SEMA3G: variants seen among roughly 807,000 people sequenced by gnomAD.
SEMA3G encodes the protein semaphorin-3G.
A neutral mutation model predicts 86.2 loss-of-function variants in SEMA3G; 70 were observed. The ratio of observed to expected loss-of-function variants is 0.81; its 90% confidence interval spans 0.67 to 0.99. The LOEUF (loss-of-function observed/expected upper bound fraction) is 0.99. Ranked by LOEUF, SEMA3G falls within the 50% of genes least tolerant of loss-of-function variation. SEMA3G has a pLI of 0.00. For synonymous variants in SEMA3G, 416 were observed against 441.4 expected (o/e 0.94, Z 0.72); for missense variants, 1,002 against 1,072.4 (o/e 0.93, Z 0.92).
intron 12 of SEMA3G, 132 bp downstream of exon 12, chr3:52,439,548 C>T (rs939234512): frequency 1.4e-6 from 1 of 722,980 alleles, no homozygotes; most frequent in Admixed American, 2.2e-5. Flanking sequence ...CATCCCCTCC[C>T]CAGCATCCTG....
rs749784428 is a variant in SEMA3G, at chr3:52,440,532, A to T, written c.999-11T>A. ...CCCTGGAACACGGCACTGCCGGGGC[A>T]CATGGGACAGTCAGGCCAGAGTGGC... On this transcript the variant is annotated splice_polypyrimidine_tract_variant and intron_variant, in intron 9 of 15. Coordinates refer to ENST00000231721, the MANE Select transcript of SEMA3G (RefSeq NM_020163.3). 5.0e-6 allele frequency: 8 copies of T among 1,605,352 alleles called. No homozygotes were observed. The highest frequency in any genetic ancestry group is 1.7e-4 in the Middle Eastern group (1 of 6,010).
Position 52,435,221 on chromosome 3 carries a change from A to AC in SEMA3G, c.*381dup, listed in dbSNP as rs994435751. ...GGATACCCCCTAGACGCACCCACAC[A>AC]CCCACTCTGAGGGTCACTCAGAATG... is the stretch of plus-strand genomic sequence containing the variant. On this transcript the variant is annotated 3_prime_UTR_variant, in exon 16 of 16. Transcript: ENST00000231721. The AC allele has an allele frequency of 7.9e-6, 2 of 252,036 alleles. No homozygotes were observed. Among genetic ancestry groups the AC allele is most frequent in the Admixed American group, 1.0e-4 (2 of 19,604 alleles). 15.6% of individuals were successfully genotyped at this position (252,036 alleles called of 1,614,324 possible).
rs780574043 is a variant in SEMA3G at position 52,439,677 on chromosome 3, T to G, written c.1467+3A>C. On this transcript the variant is annotated splice_donor_region_variant and intron_variant, in intron 12 of 15. Coordinates refer to ENST00000231721, the MANE Select transcript of SEMA3G (RefSeq NM_020163.3). ...GGGACCCTTCCATCAGCCCCTTGCT[T>G]ACCTTAAACACCTGGAGCTCCTCCA... The G allele has an allele frequency of 1.2e-5, 19 of 1,612,958 alleles. No individual in the cohort carries two copies. The African/African-American group carries it at 2.1e-4, about 18-fold the overall frequency.
rs780096547 is a variant in SEMA3G at position 52,435,849 on chromosome 3, G to A, written c.2103C>T (p.Thr701=). ...TGTCCTTGTACCAGGCCTTGGGTGG[G>A]GTGGAAGCCAGGCCTCCCCGGGCTG... The part of the protein sequence containing the change: ...EPPARGGLAS[T]PPKAWYKDIL... Residue 701 remains threonine, a synonymous_variant, in exon 16 of 16, where the codon ACC becomes ACT. Coordinates refer to ENST00000231721, the MANE Select transcript of SEMA3G (RefSeq NM_020163.3). 1.2e-6 allele frequency: 2 copies of A among 1,613,868 alleles called. No homozygotes were observed. Among genetic ancestry groups the A allele is most frequent in the East Asian group, 2.2e-5 (1 of 44,862 alleles).
rs961799483 is a variant in SEMA3G, at chr3:52,444,934, G to A, written c.94C>T (p.Arg32Cys). The A allele has an allele frequency of 2.7e-5, 35 of 1,303,686 alleles. No individual in the cohort carries two copies. The highest frequency in any genetic ancestry group is 6.2e-5 in the African/African-American group (4 of 64,764). 80.8% of individuals were successfully genotyped at this position (1,303,686 alleles called of 1,614,324 possible). Residue 32 changes from arginine (R) to cysteine (C), a missense_variant, in exon 1 of 16, where the codon CGC becomes TGC. By Grantham distance (180) the Arg-to-Cys change is radical. Transcript: ENST00000231721. ...SGPSPGPSVPRLRLSYRDLLS... is the reference protein window; with the variant it reads ...SGPSPGPSVPCLRLSYRDLLS... ...GTACCTCGGTAGGAGAGCCGCAGGCGGGGCACACTGGGGCCGGGGCTGGGG... is the reference window on the plus strand; with the variant it reads ...GTACCTCGGTAGGAGAGCCGCAGGCAGGGCACACTGGGGCCGGGGCTGGGG...
At chr3:52,436,905 A>G (rs1006422153) in intron 15 of SEMA3G, among the ~76,000 whole-genome samples, 15 of 152,004 alleles carry the variant, frequency 9.9e-5, no homozygotes, top group African/African-American at 1.7e-4. Context: ...CCTGTAATCA[A>G]TCCACTCCTG....
rs760629721 is a variant in SEMA3G at position 52,436,011 on chromosome 3, A to G, written c.1941T>C (p.Arg647=). The change falls in exon 16 of 16, where the codon CGT becomes CGC. Residue 647 remains arginine, a synonymous_variant. Transcript: ENST00000231721. Reference sequence around the variant, plus strand: ...TGCAGGTGTAGGTGCCCGCATCGAAACGGCTAAGCCTGCGGAACAGCAGCC... The same window carrying G: ...TGCAGGTGTAGGTGCCCGCATCGAAGCGGCTAAGCCTGCGGAACAGCAGCC... ...ERGLLFRRLS[R]FDAGTYTCTT... The G allele has an allele frequency of 2.3e-5, 37 of 1,613,644 alleles. No homozygotes were observed. Among genetic ancestry groups the G allele is most frequent in the South Asian group, 1.6e-4 (15 of 91,082 alleles).
chr3:52,441,321 G>A lies in SEMA3G; in HGVS notation c.756C>T (p.Pro252=). 6.2e-7 allele frequency: 1 copy of A among 1,613,804 alleles called. No individual in the cohort carries two copies. The highest frequency in any genetic ancestry group is 1.7e-5 in the Admixed American group (1 of 60,024). ...KVYFFFSETV[P]SPDGGSNHVT... ...CATGGTTCGAGCCACCATCGGGCGA[G>A]GGGACCGTCTCCGAGAAGAAGAAGT... Residue 252 remains proline (P), a synonymous_variant, in exon 7 of 16, where the codon CCC becomes CCT. Coordinates refer to ENST00000231721, the MANE Select transcript of SEMA3G (RefSeq NM_020163.3).
At position 52,442,069 on chromosome 3, in the gene SEMA3G, G is replaced by C. The variant is rs564434452; in HGVS notation, c.459+116C>G. The C allele has an allele frequency of 3.1e-4, 444 of 1,434,332 alleles. No individual in the cohort carries two copies. The highest frequency in any genetic ancestry group is 3.7e-4 in the Non-Finnish European group (391 of 1,067,822). The allele number at this position is 1,434,332 out of a possible 1,614,324, so 88.9% of individuals were successfully genotyped here. Reference sequence around the variant, plus strand: ...AATGGGGTCAGCTCCCCAACACAAAGGCGCCTTTCAGGCCCCTGCCCCTCT... The same window carrying C: ...AATGGGGTCAGCTCCCCAACACAAACGCGCCTTTCAGGCCCCTGCCCCTCT... On this transcript the variant is annotated intron_variant, in intron 4 of 15. Coordinates refer to ENST00000231721, the MANE Select transcript of SEMA3G (RefSeq NM_020163.3). This position sits in a 1 kb window ranked among gnomAD's most constrained non-coding sequence, Gnocchi z 6.1.
chr3:52,436,115 G>A, intron 15 of SEMA3G, 42 bp from the exon 16 acceptor site: 13 of 1,554,216 alleles, frequency 8.4e-6, no homozygotes, highest in Non-Finnish European at 1.1e-5. Flanking sequence ...TGCAAGGTGG[G>A]AGTTTACCAT....
At chr3:52,443,247 CA>C (rs1259781274) in intron 1 of SEMA3G, among the ~76,000 whole-genome samples, 2 of 152,192 alleles carry the variant, frequency 1.3e-5, no homozygotes, top group Non-Finnish European at 2.9e-5. Flanking sequence ...GAAACTAGAG[CA>C]AAGTGCTGGA....
chr3:52,436,691 C>T lies in SEMA3G; in HGVS notation c.1879-618G>A, dbSNP rs1706054850. Among the ~76,000 whole-genome samples the T allele has an allele frequency of 2.0e-5, 3 of 152,236 alleles. No homozygotes were observed. The South Asian group carries it at 6.2e-4, about 31-fold the overall frequency. ...TGGGAAGTGGGAGTGCCGCCCTGAT[C>T]CCAGCCCGCCTCTGGCCTGGACCCT... On this transcript the variant is annotated intron_variant, in intron 15 of 15. Coordinates refer to ENST00000231721, the MANE Select transcript of SEMA3G (RefSeq NM_020163.3).
chr3:52,444,265 T>C (rs139784754), intron 1 of SEMA3G, among the ~76,000 whole-genome samples: 22 of 152,214 alleles, frequency 1.4e-4, no homozygotes, highest in African/African-American at 5.3e-4. Flanking sequence ...CCCATCTTTA[T>C]TGAGCTCTCT....
At position 52,442,072 on chromosome 3, in the gene SEMA3G, G is replaced by A. The variant is rs1252567683; in HGVS notation, c.459+113C>T. ...GGGGTCAGCTCCCCAACACAAAGGC[G>A]CCTTTCAGGCCCCTGCCCCTCTGTC... is the stretch of plus-strand genomic sequence containing the variant. On this transcript the variant is annotated intron_variant, in intron 4 of 15. Transcript: ENST00000231721. The surrounding 1 kb of genome is among the most constrained non-coding windows in gnomAD (Gnocchi z 6.1). 6 of 1,437,028 alleles carry A rather than the reference G, an allele frequency of 4.2e-6. No homozygotes were observed. Among genetic ancestry groups the A allele is most frequent in the African/African-American group, 2.8e-5 (2 of 70,430 alleles). 89.0% of individuals were successfully genotyped at this position (1,437,028 alleles called of 1,614,324 possible). A position where few individuals can be genotyped will look rare whatever the true frequency, so the allele number is the denominator to read the frequency against.
At chr3:52,437,024 C>T (rs1706059491) in intron 15 of SEMA3G, among the ~76,000 whole-genome samples, 1 of 152,192 alleles carries the variant, frequency 6.6e-6, no homozygotes, top group Admixed American at 6.5e-5. Context: ...CCTGAGCAGA[C>T]AGCTGGACTC....
At chr3:52,440,160 C>T in intron 10 of SEMA3G, 62 bp from the exon 11 acceptor site, 1 of 1,385,564 alleles carries the variant, frequency 7.2e-7, no homozygotes, top group Non-Finnish European at 9.8e-7. Context: ...CCTCCACCGC[C>T]AGTCTGTTTC....
Position 52,442,512 on chromosome 3 carries a change from A to G in SEMA3G, c.339+47T>C, listed in dbSNP as rs2153229716. The G allele has an allele frequency of 6.2e-7, 1 of 1,603,674 alleles. No homozygotes were observed. The highest frequency in any genetic ancestry group is 8.5e-7 in the Non-Finnish European group (1 of 1,170,708). ...GTGGTCACGGATTGTCCTGGGGGTC[A>G]GGGCAGGGTGTCAGGTCGGGGGACC... On this transcript the variant is annotated intron_variant, in intron 3 of 15. Transcript: ENST00000231721. The surrounding 1 kb of genome is among the most constrained non-coding windows in gnomAD (Gnocchi z 6.1).
chr3:52,437,004 G>C (rs1163095680), intron 15 of SEMA3G, among the ~76,000 whole-genome samples: 1 of 152,212 alleles, frequency 6.6e-6, no homozygotes, highest in Non-Finnish European at 1.5e-5. Context: ...CCGGATGGGG[G>C]AGGAGAGGCC....
At position 52,435,799 on chromosome 3, in the gene SEMA3G, T is replaced by C. The variant is rs1455109215; in HGVS notation, c.2153A>G (p.Asn718Ser). 6.2e-6 allele frequency: 10 copies of C among 1,613,806 alleles called. No homozygotes were observed. The highest frequency in any genetic ancestry group is 4.0e-5 in the African/African-American group (3 of 74,858). Residue 718 changes from asparagine to serine, a missense_variant, in exon 16 of 16, where the codon AAC becomes AGC. Transcript: ENST00000231721. ...KDILQLIGFA[N>S]LPRVDEYCER... The stretch of plus-strand genomic sequence containing the variant: ...ACAGTACTCATCCACCCGGGGCAGG[T>C]TGGCGAAGCCAATGAGCTGCAGGAT...
Sources: allele counts gnomAD v4.1 joint callset (sites outside exome capture counted in the v4.1 genomes callset), GRCh38; gene constraint gnomAD v4.1.1; non-coding constraint Gnocchi (gnomAD v3.1); transcripts MANE v1.5; gene names NCBI Gene and HGNC (gene_info 2026-07-23, HGNC 2026-07-21).